ABCA10: variants seen among roughly 807,000 people sequenced by gnomAD.
ABCA10 encodes the protein ATP-binding cassette sub-family A member 10.
ABCA10 carries 169 observed loss-of-function variants against 187.5 expected under a neutral mutation model. That is an observed-to-expected ratio of 0.90 (90% CI 0.80 to 1.02). ABCA10 has a LOEUF of 1.02. ABCA10 is among the 50% of genes least tolerant of loss of function. ABCA10 has a pLI of 0.00. For synonymous variants in ABCA10, 574 were observed against 601.8 expected, an observed-to-expected ratio of 0.95 and a Z score of 0.68; for missense variants, 1,727 against 1,812.4, an observed-to-expected ratio of 0.95 and a Z score of 0.86.
In ABCA10 at chr17:69,153,322, C is replaced by T; in HGVS notation, c.4119G>A (p.Glu1373=). 2 of 1,612,572 alleles carry T rather than the reference C, an allele frequency of 1.2e-6. No homozygotes were observed. The highest frequency in any genetic ancestry group is 2.2e-5 in the South Asian group (2 of 90,880). ...LDEPFTGMDP[E]GQQQMWQILQ... is the part of the protein sequence containing the mutation. ...CTCCTTACCACATTTGCTGCTGCCC[C>T]TCGGGGTCCATCCCGGTGAACGGCT... Residue 1373 remains glutamate, a synonymous_variant, in exon 34 of 39, where the codon GAG becomes GAA. Coordinates refer to ENST00000690296, the MANE Select transcript of ABCA10 (RefSeq NM_001377321.1).
chr17:69,214,865 GA>G lies in ABCA10; in HGVS notation c.859-15del. On this transcript the variant is annotated splice_polypyrimidine_tract_variant and intron_variant, in intron 8 of 38. Coordinates refer to ENST00000690296, the MANE Select transcript of ABCA10 (RefSeq NM_001377321.1). The stretch of plus-strand genomic sequence containing the variant: ...CAGGTGTGTAATCTGAGATTTAAAA[GA>G]AAAAATAAAATGTTAGATGAACTTA... 1 of 1,459,612 alleles carries G rather than the reference GA, an allele frequency of 6.9e-7. No individual in the cohort carries two copies. The highest frequency in any genetic ancestry group is 1.4e-5 in the South Asian group (1 of 70,268). 90.4% of individuals were successfully genotyped at this position (1,459,612 alleles called of 1,614,324 possible).
chr17:69,149,805 C>A lies in ABCA10; in HGVS notation c.4477+179G>T, dbSNP rs114979222. Among the ~76,000 whole-genome samples the A allele has an allele frequency of 4.9e-3, 746 of 152,260 alleles. 7 individuals carry two copies. Among genetic ancestry groups the A allele is most frequent in the African/African-American group, 0.017 (711 of 41,554 alleles). ...TCAGCACAGGAAGAATCAGGTGGAA[C>A]AAACCAACATCTAGGACCATGACTT... On this transcript the variant is annotated intron_variant, in intron 37 of 38. Coordinates refer to ENST00000690296, the MANE Select transcript of ABCA10 (RefSeq NM_001377321.1).
chr17:69,210,842 TGCCAC>T lies in ABCA10; in HGVS notation c.1006+3857_1006+3861del, dbSNP rs1431424325. Among the ~76,000 whole-genome samples, 79 of 24,250 alleles carry T rather than the reference TGCCAC, an allele frequency of 3.3e-3. 2 individuals carry two copies. Among genetic ancestry groups the T allele is most frequent in the African/African-American group, 6.1e-3 (75 of 12,230 alleles). 15.9% of individuals were successfully genotyped at this position (24,250 alleles called of 152,430 possible). ...CATATATATATATGCCACATATTTA[TGCCAC>T]ATATATATATATATATATGCCATAT... is the stretch of plus-strand genomic sequence containing the variant. On this transcript the variant is annotated intron_variant, in intron 9 of 38. Coordinates refer to ENST00000690296, the MANE Select transcript of ABCA10 (RefSeq NM_001377321.1).
At chr17:69,153,432 G>A (rs2074146225) in intron 33 of ABCA10, 33 bp from the exon 34 acceptor site, 1 of 1,613,516 alleles carries the variant, frequency 6.2e-7, no homozygotes, top group African/African-American at 1.3e-5. Flanking sequence ...TCGGCACCCA[G>A]CCATGGGTGC....
At chr17:69,151,038 G>C (rs760334207) in intron 36 of ABCA10, among the ~76,000 whole-genome samples, 2 of 151,964 alleles carry the variant, frequency 1.3e-5, no homozygotes, top group Admixed American at 1.3e-4. Context: ...CTTCTATATG[G>C]TAAAAAAAAT....
chr17:69,227,588 T>C (rs1433683604), intron 1 of ABCA10, among the ~76,000 whole-genome samples: 1 of 151,822 alleles, frequency 6.6e-6, no homozygotes, highest in Non-Finnish European at 1.5e-5. Flanking sequence ...CTAAAGTAAA[T>C]CCCTCAATAA....
At chr17:69,158,963 C>T (rs2144759819) in intron 27 of ABCA10, among the ~76,000 whole-genome samples, 1 of 152,036 alleles carries the variant, frequency 6.6e-6, no homozygotes, top group Middle Eastern at 3.4e-3. Context: ...ATTGAGATAA[C>T]TAAATGCCCT....
At chr17:69,173,692 G>T (rs1485672095) in intron 25 of ABCA10, among the ~76,000 whole-genome samples, 1 of 152,100 alleles carries the variant, frequency 6.6e-6, no homozygotes, top group Admixed American at 6.6e-5. Context: ...AACAAAATTG[G>T]ACTGTTTTAA....
At chr17:69,158,123 T>C (rs1375113900) in intron 27 of ABCA10, among the ~76,000 whole-genome samples, 2 of 152,108 alleles carry the variant, frequency 1.3e-5, no homozygotes, top group South Asian at 2.1e-4. Context: ...AGTTTATATT[T>C]TTAAAAGTTA....
chr17:69,166,207 C>T lies in ABCA10; in HGVS notation c.3163-1124G>A, dbSNP rs201364401. On this transcript the variant is annotated intron_variant, in intron 25 of 38. Coordinates refer to ENST00000690296, the MANE Select transcript of ABCA10 (RefSeq NM_001377321.1). ...GGCATATCTCAGTAAAAAGTGGCTT[C>T]TCATGGTTCTTGCAGATCTTTCATT... Among the ~76,000 whole-genome samples the T allele has an allele frequency of 1.2e-4, 19 of 152,212 alleles. No individual in the cohort carries two copies. The East Asian group carries it at 3.1e-3, about 25-fold the overall frequency.
At chr17:69,236,510 C>A (rs144540629) in intron 1 of ABCA10, among the ~76,000 whole-genome samples, 4 of 152,236 alleles carry the variant, frequency 2.6e-5, no homozygotes, top group South Asian at 2.1e-4. Context: ...AGATTAGAAT[C>A]GAAATTTTCT....
In ABCA10 at chr17:69,228,335, T is replaced by A. The variant is rs79149817; in HGVS notation, c.-313+246A>T. Among the ~76,000 whole-genome samples the A allele has an allele frequency of 3.4e-3, 512 of 152,112 alleles. 6 individuals carry two copies. The highest frequency in any genetic ancestry group is 0.016 in the East Asian group (81 of 5,188). The stretch of plus-strand genomic sequence containing the variant: ...ATTCAAAGCAGTGTCAGAGAGAGAA[T>A]TTATTGTCTGATAATATTTATATAC... On this transcript the variant is annotated intron_variant, in intron 1 of 38. Coordinates refer to ENST00000690296, the MANE Select transcript of ABCA10 (RefSeq NM_001377321.1).
chr17:69,201,798 T>G, intron 9 of ABCA10, 130 bp from the exon 10 acceptor site: 1 of 850,306 alleles, frequency 1.2e-6, no homozygotes, highest in East Asian at 3.1e-5. Context: ...TTATAATTTT[T>G]TTTTTTGAGA....
intron 1 of ABCA10, chr17:69,234,502 A>T (rs949320672): frequency 6.6e-6 from 1 of 152,268 alleles, no homozygotes; most frequent in Non-Finnish European, 1.5e-5. Context: ...ACCCAGAAGC[A>T]AAATCAGCAG....
intron 9 of ABCA10, among the ~76,000 whole-genome samples, chr17:69,208,840 C>G (rs376471383): frequency 2.4e-4 from 37 of 152,180 alleles, no homozygotes; most frequent in African/African-American, 8.7e-4. Context: ...AGTTTGAGAC[C>G]AGCCTGGGCA....
chr17:69,244,347 G>A (rs1364223735), intron 1 of ABCA10: 1 of 151,926 alleles, frequency 6.6e-6, no homozygotes, highest in Non-Finnish European at 1.5e-5. Flanking sequence ...TTTAATATGA[G>A]CTACTCATTA....
At chr17:69,160,497 T>C (rs2074208066) in intron 27 of ABCA10, among the ~76,000 whole-genome samples, 1 of 151,844 alleles carries the variant, frequency 6.6e-6, no homozygotes, top group Non-Finnish European at 1.5e-5. Context: ...GTCCCAGCTA[T>C]TCAGGAGGCT....
chr17:69,152,052 C>G lies in ABCA10; in HGVS notation c.4388G>C (p.Trp1463Ser), dbSNP rs761134927. The G allele has an allele frequency of 2.5e-6, 4 of 1,609,408 alleles. No individual in the cohort carries two copies. Among genetic ancestry groups the G allele is most frequent in the Non-Finnish European group, 3.4e-6 (4 of 1,178,946 alleles). The change falls in exon 36 of 39, where the codon TGG becomes TCG. Residue 1463 changes from tryptophan (W) to serine (S), a missense_variant. Trp to Ser is a radical substitution (Grantham distance 177). Transcript: ENST00000690296. Reference sequence around the variant, plus strand: ...CGAAAACATCCTTTACCTTTCCTGCCAAGCAGCCTGTGGGAAAAGCTTCAA... The same window carrying G: ...CGAAAACATCCTTTACCTTTCCTGCGAAGCAGCCTGTGGGAAAAGCTTCAA... ...EILKLFPQAA[W>S]QERYSSLMAY...
chr17:69,156,405 C>A (rs2074174769), intron 28 of ABCA10, among the ~76,000 whole-genome samples: 1 of 152,184 alleles, frequency 6.6e-6, no homozygotes, highest in South Asian at 2.1e-4. Flanking sequence ...AAAATCAGAA[C>A]CTATGACTTA....
Sources: allele counts gnomAD v4.1 joint callset (sites outside exome capture counted in the v4.1 genomes callset), GRCh38; gene constraint gnomAD v4.1.1; transcripts MANE v1.5; gene names NCBI Gene and HGNC (gene_info 2026-07-23, HGNC 2026-07-21).